ZNF763: variants seen among roughly 807,000 people sequenced by gnomAD.
The protein encoded by ZNF763 is DNA-binding protein.
A neutral mutation model predicts 38.0 loss-of-function variants in ZNF763; 33 were observed. The ratio of observed to expected loss-of-function variants is 0.87; its 90% CI spans 0.66 to 1.16. ZNF763 has a LOEUF of 1.16. Among genes scored for constraint, ZNF763 ranks in the 50% most tolerant of loss-of-function variants. The pLI, the probability that ZNF763 is intolerant of heterozygous loss-of-function variation, is 0.00. For missense variants in ZNF763, 423 were observed against 469.1 expected, an observed-to-expected ratio of 0.90 and a Z score of 0.91; for synonymous variants, 155 against 160.1, an observed-to-expected ratio of 0.97 and a Z score of 0.24.
At chr19:11,971,991 G>C (rs760837477) in intron 1 of ZNF763, among the ~76,000 whole-genome samples, 1 of 151,428 alleles carries the variant, frequency 6.6e-6, no homozygotes, top group Non-Finnish European at 1.5e-5. Context: ...GAACCCAGGA[G>C]ACAGAGATTG....
chr19:11,966,887 G>A (rs1420185749), intron 1 of ZNF763, among the ~76,000 whole-genome samples: 1 of 152,104 alleles, frequency 6.6e-6, no homozygotes, highest in African/African-American at 2.4e-5. Context: ...ACAGACTCTA[G>A]AGAAAAGGAC....
rs370052526 is a variant in ZNF763 at position 11,978,658 on chromosome 19, T to A, written c.734T>A (p.Ile245Lys). 25 of 1,613,916 alleles carry A rather than the reference T, an allele frequency of 1.5e-5. No homozygotes were observed. The Admixed American group carries it at 4.0e-4, about 26-fold the overall frequency. ...KSFSYSATHR[I>K]HERTHTGEKP... ...TTTAGTTATTCTGCTACCCATCGAATACATGAAAGAACTCACACTGGAGAA... is the reference window on the plus strand; with the variant it reads ...TTTAGTTATTCTGCTACCCATCGAAAACATGAAAGAACTCACACTGGAGAA... The change falls in exon 4 of 4, where the codon ATA becomes AAA. Residue 245 changes from isoleucine to lysine, a missense_variant. Ile to Lys is a moderately radical substitution (Grantham distance 102). Transcript: ENST00000358987.
At chr19:11,976,483 G>A (rs561954994) in intron 1 of ZNF763, among the ~76,000 whole-genome samples, 2 of 150,172 alleles carry the variant, frequency 1.3e-5, no homozygotes, top group South Asian at 2.1e-4. Flanking sequence ...ATGAACTCAG[G>A]AGGAAGAGGT....
rs760787298 is a variant in ZNF763 at position 11,978,665 on chromosome 19, A to AAG, written c.743_744dup (p.Thr249GlufsTer150). 1.2e-6 allele frequency: 2 copies of AAG among 1,614,120 alleles called. No individual in the cohort carries two copies. On this transcript the variant is annotated frameshift_variant, in exon 4 of 4. Transcript: ENST00000358987. LOFTEE classifies it high-confidence loss of function. ...ATTCTGCTACCCATCGAATACATGA[A>AAG]AGAACTCACACTGGAGAAAAGCCTT...
At chr19:11,965,564 T>C (rs185241146) in intron 1 of ZNF763, among the ~76,000 whole-genome samples, 17 of 152,300 alleles carry the variant, frequency 1.1e-4, no homozygotes, top group Middle Eastern at 3.4e-3. Context: ...GGAGGAGCAG[T>C]GGTCTGTGGG....
intron 1 of ZNF763, among the ~76,000 whole-genome samples, chr19:11,968,134 A>AT (rs1973276044): frequency 6.6e-6 from 1 of 152,128 alleles, no homozygotes; most frequent in South Asian, 2.1e-4. Flanking sequence ...GATGGAGCTG[A>AT]TTGGTCTTTC....
chr19:11,966,376 GT>G (rs988778567), intron 1 of ZNF763, among the ~76,000 whole-genome samples: 2 of 152,048 alleles, frequency 1.3e-5, no homozygotes, highest in African/African-American at 4.8e-5. Context: ...TACTTTGTTT[GT>G]TTTTGTTTTT....
chr19:11,967,592 A>G (rs1349116935), intron 1 of ZNF763, among the ~76,000 whole-genome samples: 2 of 152,124 alleles, frequency 1.3e-5, no homozygotes, highest in Non-Finnish European at 2.9e-5. Context: ...TTTAGTAGAG[A>G]CGGGGTTTCA....
At chr19:11,976,096 A>T (rs1297446209) in intron 1 of ZNF763, among the ~76,000 whole-genome samples, 1 of 146,026 alleles carries the variant, frequency 6.8e-6, no homozygotes, top group Non-Finnish European at 1.5e-5. Context: ...GGGGTGTGGG[A>T]TGTCCCAGGG....
At position 11,979,746 on chromosome 19, in the gene ZNF763, C is replaced by T; in HGVS notation, c.*637C>T. ...CAATGTGGGAAAGCCTTCAGATCTG[C>T]CCCACACCTTCGAATCCATGGTAGA... On this transcript the variant is annotated 3_prime_UTR_variant, in exon 4 of 4. Coordinates refer to ENST00000358987, the MANE Select transcript of ZNF763 (RefSeq NM_001367172.2). 4 of 1,591,608 alleles carry T rather than the reference C, an allele frequency of 2.5e-6. No homozygotes were observed. The highest frequency in any genetic ancestry group is 3.4e-6 in the Non-Finnish European group (4 of 1,162,428).
chr19:11,977,551 T>A, intron 3 of ZNF763, 120 bp downstream of exon 3: 1 of 1,287,234 alleles, frequency 7.8e-7, no homozygotes, highest in Non-Finnish European at 1.1e-6. Context: ...CTTAGAATAT[T>A]TTCTCAAAAT....
chr19:11,978,991 G>C lies in ZNF763; in HGVS notation c.1067G>C (p.Arg356Pro). The change falls in exon 4 of 4, where the codon CGT (arginine) becomes CCT (proline). Residue 356 changes from arginine to proline, a missense_variant. By Grantham distance (103) the Arg-to-Pro change is moderately radical. Coordinates refer to ENST00000358987, the MANE Select transcript of ZNF763 (RefSeq NM_001367172.2). ...RKAFTYPSSL[R>P]RHERTHSAKK... ...GCATTCACGTATCCCAGTTCCCTTC[G>C]TAGACATGAAAGGACCCACTCTGCG... is the stretch of plus-strand genomic sequence containing the variant. 1 of 1,614,156 alleles carries C rather than the reference G, an allele frequency of 6.2e-7. No homozygotes were observed. Among genetic ancestry groups the C allele is most frequent in the Non-Finnish European group, 8.5e-7 (1 of 1,180,020 alleles).
intron 1 of ZNF763, among the ~76,000 whole-genome samples, chr19:11,976,633 G>A (rs1025414658): frequency 1.3e-5 from 2 of 151,236 alleles, no homozygotes; most frequent in South Asian, 2.1e-4. Flanking sequence ...TTGGGAGGCC[G>A]AGGCTGGCGG....
intron 1 of ZNF763, among the ~76,000 whole-genome samples, chr19:11,970,948 A>C (rs1228155750): frequency 2.0e-5 from 3 of 152,020 alleles, no homozygotes; most frequent in East Asian, 3.8e-4. Context: ...TAAAAAAAAA[A>C]CTAAAAAACT....
intron 1 of ZNF763, among the ~76,000 whole-genome samples, chr19:11,970,098 A>G (rs564802500): frequency 3.9e-5 from 6 of 152,288 alleles, no homozygotes; most frequent in Admixed American, 6.5e-5. Flanking sequence ...TACATAACCA[A>G]TTCTTGGGGT....
intron 1 of ZNF763, among the ~76,000 whole-genome samples, chr19:11,975,730 A>G (rs1463102583): frequency 6.6e-6 from 1 of 152,174 alleles, no homozygotes; most frequent in Non-Finnish European, 1.5e-5. Context: ...TTGTATGTGT[A>G]TGCTTACTAC....
intron 1 of ZNF763, 141 bp from the exon 2 acceptor site, chr19:11,976,897 G>A: frequency 6.6e-7 from 1 of 1,523,290 alleles, no homozygotes; most frequent in Non-Finnish European, 8.8e-7. Context: ...ATGGAAGAAA[G>A]TACAGAAAGC....
intron 1 of ZNF763, among the ~76,000 whole-genome samples, chr19:11,974,979 A>G (rs1225902453): frequency 6.6e-6 from 1 of 152,212 alleles, no homozygotes; most frequent in African/African-American, 2.4e-5. Flanking sequence ...TTACATGTAC[A>G]GTTGAGATAG....
intron 3 of ZNF763, among the ~76,000 whole-genome samples, 171 bp from the exon 4 acceptor site, chr19:11,977,945 A>G (rs995452050): frequency 1.3e-5 from 2 of 152,170 alleles, no homozygotes; most frequent in African/African-American, 2.4e-5. Flanking sequence ...TTTTTAAACA[A>G]TAGGTATGAC....
Sources: gnomAD v4.1 joint callset for allele counts (sites outside exome capture counted in the v4.1 genomes callset) on GRCh38, gnomAD v4.1.1 for gene constraint, MANE v1.5 for transcripts, NCBI Gene and HGNC (gene_info 2026-07-23, HGNC 2026-07-21) for gene names.